LRFN5: variants seen among roughly 807,000 people sequenced by gnomAD.
LRFN5 encodes leucine-rich repeat and fibronectin type-III domain-containing protein 5.
A neutral mutation model predicts 45.6 loss-of-function variants in LRFN5; 24 were observed. That is an observed-to-expected ratio of 0.53 (90% CI 0.38 to 0.74). The LOEUF (loss-of-function observed/expected upper bound fraction) is 0.74. Ranked by LOEUF, LRFN5 falls within the 30% of genes least tolerant of loss-of-function variation. The pLI is 0.00. For missense variants in LRFN5, 776 were observed against 861.5 expected, an observed-to-expected ratio of 0.90 and a Z score of 1.24; for synonymous variants, 340 against 313.8, an observed-to-expected ratio of 1.08 and a Z score of -0.88.
At chr14:41,801,938 A>G (rs8003107) in intron 2 of LRFN5, among the ~76,000 whole-genome samples, 55,419 of 151,970 alleles carry the variant, frequency 0.36, 10,774 homozygotes, top group East Asian at 0.69. Context: ...AGGGACCTCA[A>G]TGAAGAAGCA....
In LRFN5 at chr14:41,728,046, A is replaced by G. The variant is rs887941974; in HGVS notation, c.-196-38808A>G. On this transcript the variant is annotated intron_variant, in intron 1 of 5. Transcript: ENST00000298119. The stretch of plus-strand genomic sequence containing the variant: ...TTAACATACACCCATGCTTATTTTC[A>G]GGTTTCTGCTCATTCAGTGGGAAAA... Among the ~76,000 whole-genome samples the G allele has an allele frequency of 3.3e-5, 5 of 152,096 alleles. No individual in the cohort carries two copies. In the South Asian group the frequency reaches 8.3e-4, roughly 25 times the overall value.
At chr14:41,753,505 G>A (rs1885231718) in intron 1 of LRFN5, among the ~76,000 whole-genome samples, 1 of 151,926 alleles carries the variant, frequency 6.6e-6, no homozygotes, top group African/African-American at 2.4e-5. Flanking sequence ...TGGATTCCTA[G>A]GTATTTTATT....
In LRFN5 at chr14:41,691,194, A is replaced by G. The variant is rs978454825; in HGVS notation, c.-196-75660A>G. On this transcript the variant is annotated intron_variant, in intron 1 of 5. Coordinates refer to ENST00000298119, the MANE Select transcript of LRFN5 (RefSeq NM_152447.5). The stretch of plus-strand genomic sequence containing the variant: ...TACTCTGAACATTTTTTTCAGCTCT[A>G]TACTTAAATAATTGATTTTTAAAAA... Among the ~76,000 whole-genome samples the G allele has an allele frequency of 1.4e-4, 21 of 151,952 alleles. 1 individual carries two copies. The highest frequency in any genetic ancestry group is 5.1e-4 in the African/African-American group (21 of 41,396).
At chr14:41,856,694 T>TTTTTTTTTTTTTTTTTTTTTGTG (rs1353113346) in intron 2 of LRFN5, among the ~76,000 whole-genome samples, 1 of 122,332 alleles carries the variant, frequency 8.2e-6, no homozygotes, top group African/African-American at 3.0e-5. Flanking sequence ...TTTTTTTTTT[T>TTTTTTTTTTTTTTTTTTTTTGTG]GAGACGGAGT....
intron 4 of LRFN5, chr14:41,893,355 A>G (rs1449778676): frequency 2.2e-6 from 2 of 892,328 alleles, no homozygotes; most frequent in African/African-American, 6.2e-5. Context: ...GTGTTCTATT[A>G]AAGATCTATA....
chr14:41,762,185 C>T (rs1049133433), intron 1 of LRFN5, among the ~76,000 whole-genome samples: 7 of 145,478 alleles, frequency 4.8e-5, no homozygotes, highest in African/African-American at 1.5e-4. Context: ...TACTGAAATA[C>T]AGTATCCCTT....
At chr14:41,761,330 G>A (rs1885655046) in intron 1 of LRFN5, among the ~76,000 whole-genome samples, 1 of 151,128 alleles carries the variant, frequency 6.6e-6, no homozygotes, top group South Asian at 2.1e-4. Flanking sequence ...GGGGGATACA[G>A]GAAAAAAGAA....
chr14:41,740,739 A>G (rs1884654590), intron 1 of LRFN5, among the ~76,000 whole-genome samples: 1 of 151,940 alleles, frequency 6.6e-6, no homozygotes, highest in South Asian at 2.1e-4. Context: ...AAAGGCCTCC[A>G]TAAAGGAAAA....
At chr14:41,894,819 A>G (rs948539668) in intron 4 of LRFN5, 1 of 980,866 alleles carries the variant, frequency 1.0e-6, no homozygotes, top group Non-Finnish European at 1.2e-6. Context: ...TCTAAATATT[A>G]TATTACCATA....
intron 2 of LRFN5, among the ~76,000 whole-genome samples, chr14:41,817,524 A>C (rs1200954571): frequency 6.6e-6 from 1 of 151,820 alleles, no homozygotes; most frequent in African/African-American, 2.4e-5. Flanking sequence ...CACTTCTGCC[A>C]CTCTATAAGA....
chr14:41,721,448 C>T (rs953665835), intron 1 of LRFN5, among the ~76,000 whole-genome samples: 1 of 152,090 alleles, frequency 6.6e-6, no homozygotes, highest in Non-Finnish European at 1.5e-5. Context: ...TCTATTGTGT[C>T]GTTGCCTTAT....
intron 1 of LRFN5, among the ~76,000 whole-genome samples, chr14:41,690,693 G>T (rs2138704421): frequency 6.6e-6 from 1 of 152,176 alleles, no homozygotes; most frequent in Middle Eastern, 3.4e-3. Flanking sequence ...TATATCTTTT[G>T]GTGAAAGAAT....
intron 5 of LRFN5, 95 bp from the exon 6 acceptor site, chr14:41,904,063 T>C: frequency 9.0e-7 from 1 of 1,108,022 alleles, no homozygotes; most frequent in South Asian, 1.4e-5. Context: ...ATTTAGTTAC[T>C]TTTAGATTGC....
chr14:41,616,037 A>G (rs1385522229), intron 1 of LRFN5, among the ~76,000 whole-genome samples: 1 of 152,176 alleles, frequency 6.6e-6, no homozygotes, highest in Admixed American at 6.5e-5. Flanking sequence ...GCTATTATGA[A>G]TCTTGACACT....
intron 1 of LRFN5, among the ~76,000 whole-genome samples, chr14:41,696,293 A>T (rs994904834): frequency 1.3e-5 from 2 of 151,960 alleles, no homozygotes; most frequent in African/African-American, 4.8e-5. Context: ...TGCTGTGAAC[A>T]TTGTTGAAAT....
chr14:41,625,850 C>A (rs1296937696), intron 1 of LRFN5, among the ~76,000 whole-genome samples: 1 of 152,072 alleles, frequency 6.6e-6, no homozygotes, highest in Non-Finnish European at 1.5e-5. Flanking sequence ...GTGTAGGTTT[C>A]TTAACAATCT....
intron 2 of LRFN5, among the ~76,000 whole-genome samples, chr14:41,794,018 A>G (rs1887030253): frequency 6.6e-6 from 1 of 152,024 alleles, no homozygotes; most frequent in Non-Finnish European, 1.5e-5. Context: ...TTATTCTTTC[A>G]CCAACTTCAT....
At chr14:41,670,429 T>A (rs1010974768) in intron 1 of LRFN5, among the ~76,000 whole-genome samples, 2 of 150,590 alleles carry the variant, frequency 1.3e-5, no homozygotes, top group African/African-American at 4.9e-5. Context: ...TATATGTTTT[T>A]GATTTATGAC....
At position 41,875,314 on chromosome 14, in the gene LRFN5, A is replaced by G. The variant is rs372917649; in HGVS notation, c.-20-11292A>G. On this transcript the variant is annotated intron_variant, in intron 2 of 5. Transcript: ENST00000298119. Reference sequence around the variant, plus strand: ...CACCTGCGCCAGCTGACTCAACTCCAAACTCCTGCTGTTCCAGCACTGTAG... The same window carrying G: ...CACCTGCGCCAGCTGACTCAACTCCGAACTCCTGCTGTTCCAGCACTGTAG... Among the ~76,000 whole-genome samples the G allele has an allele frequency of 1.5e-4, 23 of 152,366 alleles. No homozygotes were observed. The South Asian group carries it at 3.5e-3, about 23-fold the overall frequency.
Sources: gnomAD v4.1 joint callset for allele counts (sites outside exome capture counted in the v4.1 genomes callset) on GRCh38, gnomAD v4.1.1 for gene constraint, MANE v1.5 for transcripts, NCBI Gene and HGNC (gene_info 2026-07-23, HGNC 2026-07-21) for gene names.